CLRN1: variants seen among roughly 807,000 people sequenced by gnomAD.
The protein encoded by CLRN1 is clarin-1.
In CLRN1, 15 loss-of-function variants were observed where a neutral mutation model predicts 18.7. The ratio of observed to expected loss-of-function variants is 0.80; its 90% CI spans 0.54 to 1.23. The LOEUF is 1.23. CLRN1 is among the 50% of genes most tolerant of loss of function. The pLI is 0.00. For synonymous variants in CLRN1, 104 were observed against 102.9 expected (o/e 1.01, Z -0.07); for missense variants, 311 against 277.5 (o/e 1.12, Z -0.86).
chr3:150,926,233 G>C (rs908845577), downstream of CLRN1: 1 of 157,014 alleles, frequency 6.4e-6, no homozygotes, highest in Non-Finnish European at 1.4e-5. Context: ...CTCTTTCTAC[G>C]GAACAGAGAA....
chr3:150,967,385 T>C (rs1715314572), intron 1 of CLRN1, among the ~76,000 whole-genome samples: 1 of 152,154 alleles, frequency 6.6e-6, no homozygotes, highest in South Asian at 2.1e-4. Flanking sequence ...TTCTATTCCA[T>C]TAATTGCTTT....
intron 1 of CLRN1, among the ~76,000 whole-genome samples, chr3:150,955,076 G>T (rs1157969249): frequency 6.6e-6 from 1 of 152,184 alleles, no homozygotes; most frequent in Non-Finnish European, 1.5e-5. Context: ...TAAAAAAGAT[G>T]CTGCTACTCA....
rs1281254807 is a variant in CLRN1, at chr3:150,927,700, C to T, written c.*236G>A. 7 of 657,002 alleles carry T rather than the reference C, an allele frequency of 1.1e-5. No homozygotes were observed. The highest frequency in any genetic ancestry group is 2.8e-6 in the Non-Finnish European group (1 of 359,210). The allele number at this position is 657,002 out of a possible 1,614,324, so 40.7% of individuals were successfully genotyped here. ...GTAACAATTTGTCGATTCTAGTCAA[C>T]TGCCTTTGACTACCTGGGTCAAGCA... On this transcript the variant is annotated 3_prime_UTR_variant, in exon 3 of 3. Coordinates refer to ENST00000327047, the MANE Select transcript of CLRN1 (RefSeq NM_174878.3).
chr3:150,929,360 A>G (rs923444667), intron 2 of CLRN1, among the ~76,000 whole-genome samples: 9 of 152,202 alleles, frequency 5.9e-5, no homozygotes, highest in African/African-American at 1.9e-4. Context: ...GGACCAGATC[A>G]GGAGCACATA....
chr3:150,948,010 A>G (rs1040459789), intron 1 of CLRN1, among the ~76,000 whole-genome samples: 2 of 152,186 alleles, frequency 1.3e-5, no homozygotes, highest in Non-Finnish European at 2.9e-5. Context: ...GAACAAGTCA[A>G]CCCCAAAGCT....
At chr3:150,933,636 T>C (rs150024304) in intron 2 of CLRN1, among the ~76,000 whole-genome samples, 79 of 152,156 alleles carry the variant, frequency 5.2e-4, no homozygotes, top group Non-Finnish European at 9.3e-4. Context: ...AGGACTTGGG[T>C]TGTGACTGTA....
intron 1 of CLRN1, chr3:150,945,412 C>T: frequency 1.1e-6 from 1 of 896,774 alleles, no homozygotes; most frequent in Non-Finnish European, 1.5e-6. Flanking sequence ...GCCTCATGGC[C>T]ACAACACTCT....
At chr3:150,942,803 G>T (rs1044053036) in intron 1 of CLRN1, among the ~76,000 whole-genome samples, 2 of 152,108 alleles carry the variant, frequency 1.3e-5, no homozygotes, top group Non-Finnish European at 1.5e-5. Context: ...ACTTGGATTG[G>T]CCTTCGATTG....
At chr3:150,943,710 A>G in intron 1 of CLRN1, 1 of 1,576,882 alleles carries the variant, frequency 6.3e-7, no homozygotes, top group Non-Finnish European at 8.7e-7. Flanking sequence ...ACCCTACATG[A>G]TGAAGCAAAG....
chr3:150,966,727 C>A (rs1054020266), intron 1 of CLRN1, among the ~76,000 whole-genome samples: 3 of 152,102 alleles, frequency 2.0e-5, no homozygotes, highest in Non-Finnish European at 4.4e-5. Flanking sequence ...CATCTGGATC[C>A]TGATAAATGG....
At chr3:150,948,903 C>CA (rs937680303) in intron 1 of CLRN1, among the ~76,000 whole-genome samples, 4 of 151,920 alleles carry the variant, frequency 2.6e-5, no homozygotes, top group South Asian at 2.1e-4. Flanking sequence ...AGAGACACAA[C>CA]AAAAAAAGAA....
At chr3:150,948,289 C>T (rs1027163001) in intron 1 of CLRN1, among the ~76,000 whole-genome samples, 1 of 151,844 alleles carries the variant, frequency 6.6e-6, no homozygotes, top group Non-Finnish European at 1.5e-5. Context: ...TCGAGACCAT[C>T]CTGGCTAACA....
At chr3:150,970,978 C>T (rs980679385) in intron 1 of CLRN1, among the ~76,000 whole-genome samples, 1 of 152,120 alleles carries the variant, frequency 6.6e-6, no homozygotes, top group Non-Finnish European at 1.5e-5. Context: ...TGAAACATGT[C>T]CTATGGCATG....
chr3:150,963,194 C>A (rs1003300961), intron 1 of CLRN1, among the ~76,000 whole-genome samples: 1 of 152,162 alleles, frequency 6.6e-6, no homozygotes, highest in Non-Finnish European at 1.5e-5. Context: ...TCTCCTTAAG[C>A]TGATAAGCAA....
At chr3:150,965,443 G>C (rs1715217650) in intron 1 of CLRN1, among the ~76,000 whole-genome samples, 1 of 152,060 alleles carries the variant, frequency 6.6e-6, no homozygotes. Flanking sequence ...ATTAATTATA[G>C]TAATTCAATA....
intron 1 of CLRN1, among the ~76,000 whole-genome samples, chr3:150,949,186 C>T (rs1714346515): frequency 6.6e-6 from 1 of 152,136 alleles, no homozygotes; most frequent in African/African-American, 2.4e-5. Context: ...TGTCAATAAA[C>T]TAGGTATTAA....
intron 1 of CLRN1, among the ~76,000 whole-genome samples, chr3:150,968,900 T>C (rs1244212235): frequency 1.3e-5 from 2 of 152,072 alleles, no homozygotes; most frequent in African/African-American, 4.8e-5. Context: ...CTACCATACT[T>C]AGGGACCTCC....
intron 1 of CLRN1, among the ~76,000 whole-genome samples, chr3:150,957,238 T>TAC (rs34726423): frequency 0.016 from 2,413 of 147,048 alleles, 26 homozygotes; most frequent in Admixed American, 0.019. Flanking sequence ...TCCCATTTTA[T>TAC]ACACACACAC....
intron 1 of CLRN1, among the ~76,000 whole-genome samples, chr3:150,966,324 A>AAAAC (rs1468102670): frequency 1.3e-5 from 2 of 152,218 alleles, no homozygotes; most frequent in African/African-American, 2.4e-5. Flanking sequence ...AAAACAAAAC[A>AAAAC]AAACAAATAC....
Sources: allele counts gnomAD v4.1 joint callset (sites outside exome capture counted in the v4.1 genomes callset), GRCh38; gene constraint gnomAD v4.1.1; transcripts MANE v1.5; gene names NCBI Gene and HGNC (gene_info 2026-07-23, HGNC 2026-07-21).